PHKB: variants seen among roughly 807,000 people sequenced by gnomAD.
The protein encoded by PHKB is phosphorylase b kinase regulatory subunit beta.
In PHKB, 122 loss-of-function variants were observed where a neutral mutation model predicts 152.1. That is an observed-to-expected ratio of 0.80 (90% CI 0.69 to 0.93). PHKB has a LOEUF of 0.93. Ranked by LOEUF, PHKB falls within the 40% of genes least tolerant of loss-of-function variation. The pLI is 0.00. For synonymous variants in PHKB, 436 were observed against 464.9 expected (o/e 0.94, Z 0.80); for missense variants, 1,304 against 1,328.4 (o/e 0.98, Z 0.29).
intron 26 of PHKB, among the ~76,000 whole-genome samples, chr16:47,677,768 T>TC (rs1203235402): frequency 6.6e-6 from 1 of 151,726 alleles, no homozygotes; most frequent in Non-Finnish European, 1.5e-5. Context: ...CAAAATCATC[T>TC]AATTTTTTTT....
intron 6 of PHKB, among the ~76,000 whole-genome samples, chr16:47,521,555 T>C (rs188240735): frequency 2.6e-5 from 4 of 151,848 alleles, no homozygotes; most frequent in Admixed American, 1.3e-4. Context: ...CTGGAGAGGC[T>C]GAAACAGGAG....
chr16:47,514,600 A>G (rs1387425379), intron 5 of PHKB, among the ~76,000 whole-genome samples: 2 of 152,214 alleles, frequency 1.3e-5, no homozygotes, highest in Non-Finnish European at 2.9e-5. Context: ...TTCCCCACTC[A>G]GACAGCCAAC....
chr16:47,569,835 C>T (rs1000712920), intron 7 of PHKB, among the ~76,000 whole-genome samples: 2 of 152,110 alleles, frequency 1.3e-5, no homozygotes, highest in African/African-American at 4.8e-5. Context: ...GTTGACCAGG[C>T]TGGTCTTGAA....
chr16:47,542,403 CCTTGTAG>C (rs1359416165), intron 6 of PHKB, among the ~76,000 whole-genome samples: 1 of 152,062 alleles, frequency 6.6e-6, no homozygotes, highest in Non-Finnish European at 1.5e-5. Context: ...GTTATTGTAG[CCTTGTAG>C]TATAGTTTGA....
Position 47,610,881 on chromosome 16 carries a change from A to G in PHKB, c.1419A>G (p.Leu473=). The part of the protein sequence containing the change: ...DIDPVQRYVP[L]KDQRNVSMRF... ...ATCCTGTCCAGCGCTATGTCCCACT[A>G]AAGGATCAACGTAACGTGAGCATGA... is the stretch of plus-strand genomic sequence containing the variant. The change falls in exon 14 of 31, where the codon CTA becomes CTG. Residue 473 remains leucine, a synonymous_variant. Transcript: ENST00000323584. 2 of 1,607,080 alleles carry G rather than the reference A, an allele frequency of 1.2e-6. No individual in the cohort carries two copies.
intron 12 of PHKB, among the ~76,000 whole-genome samples, chr16:47,594,743 G>T (rs182269847): frequency 2.4e-4 from 36 of 152,274 alleles, no homozygotes; most frequent in Admixed American, 9.8e-4. Context: ...AGGAGTAAGG[G>T]TATATTGGTT....
intron 26 of PHKB, among the ~76,000 whole-genome samples, chr16:47,680,022 A>G (rs1973817977): frequency 6.6e-6 from 1 of 152,196 alleles, no homozygotes. Context: ...ATCTATTCAG[A>G]TAATCATGTG....
At chr16:47,632,391 T>C (rs1177424277) in intron 14 of PHKB, among the ~76,000 whole-genome samples, 1 of 152,150 alleles carries the variant, frequency 6.6e-6, no homozygotes, top group Non-Finnish European at 1.5e-5. Flanking sequence ...ACCAAGCAGT[T>C]AGAGTGAAAA....
intron 29 of PHKB, among the ~76,000 whole-genome samples, chr16:47,697,775 T>C (rs1234730649): frequency 6.6e-6 from 1 of 152,242 alleles, no homozygotes; most frequent in African/African-American, 2.4e-5. Context: ...TTTTTGCTTA[T>C]AGGAATTTAG....
chr16:47,547,395 T>C (rs200527522), intron 6 of PHKB, 38 bp from the exon 7 acceptor site: 2 of 1,284,828 alleles, frequency 1.6e-6, no homozygotes, highest in African/African-American at 1.5e-5. Flanking sequence ...TGTCCTGTTA[T>C]TGAGTATGTC....
At chr16:47,537,819 A>G (rs1183891223) in intron 6 of PHKB, among the ~76,000 whole-genome samples, 2 of 152,202 alleles carry the variant, frequency 1.3e-5, no homozygotes, top group Admixed American at 1.3e-4. Context: ...ATTCAGGATT[A>G]GAATGGAAAA....
chr16:47,501,939 G>C lies in PHKB; in HGVS notation c.306-1052G>C, dbSNP rs1474372133. On this transcript the variant is annotated intron_variant, in intron 3 of 30. Transcript: ENST00000323584. ...ACCTCAAGGGGAAAAGTACTGTATA[G>C]AGCAAATTCATGCTAATTTTTGTGC... Among the ~76,000 whole-genome samples, 5 of 152,110 alleles carry C rather than the reference G, an allele frequency of 3.3e-5. No individual in the cohort carries two copies. The East Asian group carries it at 9.6e-4, about 29-fold the overall frequency.
intron 14 of PHKB, among the ~76,000 whole-genome samples, chr16:47,617,630 C>T (rs983663762): frequency 1.3e-5 from 2 of 152,144 alleles, no homozygotes; most frequent in Non-Finnish European, 2.9e-5. Flanking sequence ...TTTCTTTCCT[C>T]CCACTGGTTA....
At chr16:47,506,931 G>GT (rs1204083737) in intron 4 of PHKB, among the ~76,000 whole-genome samples, 1 of 152,164 alleles carries the variant, frequency 6.6e-6, no homozygotes, top group Non-Finnish European at 1.5e-5. Context: ...TTGGATTAAG[G>GT]TTTTTTCCTT....
intron 18 of PHKB, 110 bp downstream of exon 18, chr16:47,649,314 G>A (rs747299161): frequency 2.0e-5 from 15 of 750,730 alleles, no homozygotes; most frequent in Non-Finnish European, 3.2e-5. Flanking sequence ...GGTTAACACA[G>A]TGTAAAGCAT....
intron 26 of PHKB, among the ~76,000 whole-genome samples, chr16:47,681,807 G>A (rs569717296): frequency 2.4e-4 from 37 of 152,252 alleles, no homozygotes; most frequent in Middle Eastern, 3.4e-3. Context: ...ATTTGGTTCC[G>A]TCATTATGAT....
At chr16:47,603,748 G>T (rs1000077686) in intron 13 of PHKB, among the ~76,000 whole-genome samples, 1 of 152,066 alleles carries the variant, frequency 6.6e-6, no homozygotes, top group African/African-American at 2.4e-5. Context: ...CGGGCAATCT[G>T]CCCGCCTTGG....
chr16:47,663,848 C>A (rs1973488428), intron 24 of PHKB, 114 bp downstream of exon 24: 1 of 745,994 alleles, frequency 1.3e-6, no homozygotes, highest in Middle Eastern at 3.0e-4. Flanking sequence ...TTACTTTTAA[C>A]CTCCAAGGTT....
At chr16:47,619,071 C>G (rs745904570) in intron 14 of PHKB, 2 of 152,070 alleles carry the variant, frequency 1.3e-5, no homozygotes, top group Non-Finnish European at 2.9e-5. Flanking sequence ...CCACTTCTAC[C>G]CACATTATAT....
Sources: allele counts gnomAD v4.1 joint callset (sites outside exome capture counted in the v4.1 genomes callset), GRCh38; gene constraint gnomAD v4.1.1; transcripts MANE v1.5; gene names NCBI Gene and HGNC (gene_info 2026-07-23, HGNC 2026-07-21).